The following RSPO2 variants were observed in gnomAD, a reference collection of about 807,000 sequenced individuals.
RSPO2 encodes the protein R-spondin-2.
Under a neutral mutation model 30.9 loss-of-function variants are expected in RSPO2, and 14 were observed. The ratio of observed to expected loss-of-function variants is 0.45; its 90% CI spans 0.30 to 0.71. The LOEUF (loss-of-function observed/expected upper bound fraction) is 0.71. Ranked by LOEUF, RSPO2 falls within the 30% of genes least tolerant of loss-of-function variation. RSPO2 has a pLI of 0.08. For missense variants in RSPO2, 264 were observed against 301.9 expected (o/e 0.87, Z 0.93); for synonymous variants, 107 against 96.4 (o/e 1.11, Z -0.64).
chr8:108,000,571 A>G (rs1586615665), intron 2 of RSPO2, among the ~76,000 whole-genome samples: 1 of 152,220 alleles, frequency 6.6e-6, no homozygotes, highest in East Asian at 1.9e-4. Flanking sequence ...TAGGCTTAGC[A>G]CCACAGAGAG....
chr8:108,073,837 C>T (rs1014803413), intron 2 of RSPO2, among the ~76,000 whole-genome samples: 4 of 152,108 alleles, frequency 2.6e-5, no homozygotes, highest in Non-Finnish European at 4.4e-5. Context: ...TAAATATAAA[C>T]ATAGCAAATG....
intron 5 of RSPO2, among the ~76,000 whole-genome samples, chr8:107,936,513 T>C (rs896632154): frequency 1.3e-5 from 2 of 152,142 alleles, no homozygotes; most frequent in African/African-American, 4.8e-5. Flanking sequence ...CATACGGTAG[T>C]TTCAGTTTTT....
Position 107,900,722 on chromosome 8 carries a change from G to A in RSPO2, c.*353C>T, listed in dbSNP as rs886220979. ...GAAATAAAGGTCACGAGTGAGTAGC[G>A]CATTGCCTGCCAAGCATCTTCTTTC... On this transcript the variant is annotated 3_prime_UTR_variant, in exon 6 of 6. Coordinates refer to ENST00000276659, the MANE Select transcript of RSPO2 (RefSeq NM_178565.5). 20 of 193,636 alleles carry A rather than the reference G, an allele frequency of 1.0e-4. No individual in the cohort carries two copies. The highest frequency in any genetic ancestry group is 1.7e-4 in the Admixed American group (3 of 17,430). 12.0% of individuals were successfully genotyped at this position (193,636 alleles called of 1,614,324 possible).
intron 2 of RSPO2, among the ~76,000 whole-genome samples, chr8:108,026,622 T>G (rs1283274381): frequency 6.6e-6 from 1 of 152,082 alleles, no homozygotes; most frequent in Non-Finnish European, 1.5e-5. Flanking sequence ...ATCCCAGCAC[T>G]TTGGGAGGCC....
chr8:107,986,813 AACC>A (rs1814656157), intron 3 of RSPO2, among the ~76,000 whole-genome samples: 1 of 152,178 alleles, frequency 6.6e-6, no homozygotes, highest in East Asian at 1.9e-4. Flanking sequence ...TGTGGACTCA[AACC>A]ACCACCCCCG....
chr8:108,080,284 G>A (rs990800067), intron 2 of RSPO2, among the ~76,000 whole-genome samples: 5 of 152,116 alleles, frequency 3.3e-5, no homozygotes, highest in Non-Finnish European at 5.9e-5. Flanking sequence ...TTTTAAGGAC[G>A]ACAGTTATTT....
intron 5 of RSPO2, among the ~76,000 whole-genome samples, chr8:107,938,790 A>T (rs182785721): frequency 6.6e-6 from 1 of 152,308 alleles, no homozygotes; most frequent in African/African-American, 2.4e-5. Context: ...CTGCAACCAT[A>T]AACAGTAAAG....
At chr8:107,997,937 C>T (rs1815086831) in intron 2 of RSPO2, among the ~76,000 whole-genome samples, 1 of 152,132 alleles carries the variant, frequency 6.6e-6, no homozygotes, top group Non-Finnish European at 1.5e-5. Context: ...TTAGCCCTTG[C>T]CAAGCAAGAA....
intron 2 of RSPO2, among the ~76,000 whole-genome samples, chr8:108,012,417 C>A (rs1350230202): frequency 6.6e-6 from 1 of 152,174 alleles, no homozygotes; most frequent in Non-Finnish European, 1.5e-5. Flanking sequence ...GTAAGGCATT[C>A]AGATCAAAGT....
At chr8:107,919,158 T>G (rs1042324791) in intron 5 of RSPO2, among the ~76,000 whole-genome samples, 1 of 152,128 alleles carries the variant, frequency 6.6e-6, no homozygotes, top group African/African-American at 2.4e-5. Flanking sequence ...CTACCCCCAC[T>G]ATTCCCCTGA....
At chr8:108,009,910 G>T (rs1810643430) in intron 2 of RSPO2, among the ~76,000 whole-genome samples, 1 of 151,096 alleles carries the variant, frequency 6.6e-6, no homozygotes, top group South Asian at 2.1e-4. Context: ...TTAGTCAAGT[G>T]TGGTGGCACA....
intron 5 of RSPO2, among the ~76,000 whole-genome samples, chr8:107,945,088 T>C (rs1391220117): frequency 1.3e-5 from 2 of 152,096 alleles, no homozygotes; most frequent in Non-Finnish European, 2.9e-5. Context: ...AAAAATATCT[T>C]TGTAAATGAA....
chr8:108,056,016 T>G (rs1413477215), intron 2 of RSPO2, among the ~76,000 whole-genome samples: 1 of 152,160 alleles, frequency 6.6e-6, no homozygotes, highest in Non-Finnish European at 1.5e-5. Flanking sequence ...GTCCCTCAGA[T>G]TCATCTTTAA....
intron 2 of RSPO2, among the ~76,000 whole-genome samples, chr8:108,036,205 G>T (rs868153050): frequency 6.6e-6 from 1 of 152,054 alleles, no homozygotes; most frequent in African/African-American, 2.4e-5. Flanking sequence ...CCCTCATTAG[G>T]AATGCAGCTG....
intron 5 of RSPO2, among the ~76,000 whole-genome samples, chr8:107,933,081 C>T (rs1426093290): frequency 1.3e-5 from 2 of 152,134 alleles, no homozygotes; most frequent in African/African-American, 2.4e-5. Flanking sequence ...AGCCTATCTT[C>T]CTTAGCCTGT....
chr8:108,020,911 C>T (rs1811041866), intron 2 of RSPO2, among the ~76,000 whole-genome samples: 7 of 152,170 alleles, frequency 4.6e-5, no homozygotes, highest in Admixed American at 4.6e-4. Flanking sequence ...GATATCACCT[C>T]CTATACATTT....
At chr8:107,937,660 C>G (rs1331277923) in intron 5 of RSPO2, among the ~76,000 whole-genome samples, 1 of 151,450 alleles carries the variant, frequency 6.6e-6, no homozygotes, top group East Asian at 1.9e-4. Flanking sequence ...AAGTGGAGCC[C>G]CAAGGTGGTG....
intron 5 of RSPO2, among the ~76,000 whole-genome samples, chr8:107,955,204 T>C (rs181716123): frequency 3.9e-5 from 6 of 152,274 alleles, no homozygotes; most frequent in African/African-American, 1.4e-4. Flanking sequence ...GCCACAGAAC[T>C]TGCCTGCAAC....
At chr8:108,001,452 T>C (rs1272081966) in intron 2 of RSPO2, among the ~76,000 whole-genome samples, 1 of 152,038 alleles carries the variant, frequency 6.6e-6, no homozygotes, top group Non-Finnish European at 1.5e-5. Context: ...AAAATCTTAA[T>C]GCATATCCCT....
Sources: allele counts gnomAD v4.1 joint callset (sites outside exome capture counted in the v4.1 genomes callset), GRCh38; gene constraint gnomAD v4.1.1; transcripts MANE v1.5; gene names NCBI Gene and HGNC (gene_info 2026-07-23, HGNC 2026-07-21).